The following CTNNA3 variants were observed in gnomAD, a reference collection of about 807,000 sequenced individuals.
CTNNA3 encodes the protein catenin alpha 3.
CTNNA3 carries 76 observed loss-of-function variants against 95.7 expected under a neutral mutation model. The ratio of observed to expected loss-of-function variants is 0.79; its 90% CI spans 0.66 to 0.96. The LOEUF is 0.96. CTNNA3 is among the 40% of genes least tolerant of loss of function. The pLI is 0.00. For missense variants in CTNNA3, 1,191 were observed against 1,089.8 expected, an observed-to-expected ratio of 1.09 and a Z score of -1.31; for synonymous variants, 431 against 374.4, an observed-to-expected ratio of 1.15 and a Z score of -1.74.
intron 13 of CTNNA3, among the ~76,000 whole-genome samples, chr10:66,177,196 T>C (rs2085759160): frequency 1.3e-5 from 2 of 152,076 alleles, no homozygotes; most frequent in South Asian, 4.1e-4. Context: ...GACCTCTTTA[T>C]TTTCACTGAA....
chr10:67,424,023 T>C (rs752298901), intron 5 of CTNNA3, among the ~76,000 whole-genome samples: 1 of 152,114 alleles, frequency 6.6e-6, no homozygotes, highest in Non-Finnish European at 1.5e-5. Context: ...GGAAAAAGAA[T>C]CAATAAATAC....
chr10:66,235,803 C>A (rs930272520), intron 13 of CTNNA3, among the ~76,000 whole-genome samples: 1 of 151,870 alleles, frequency 6.6e-6, no homozygotes. Flanking sequence ...CCAGATTTAG[C>A]AAGATTTCAG....
At chr10:66,420,082 T>A (rs2093178943) in intron 11 of CTNNA3, among the ~76,000 whole-genome samples, 1 of 151,800 alleles carries the variant, frequency 6.6e-6, no homozygotes, top group African/African-American at 2.4e-5. Flanking sequence ...AAGGAAACAA[T>A]CAAAAGAGTA....
intron 11 of CTNNA3, among the ~76,000 whole-genome samples, chr10:66,494,427 G>A (rs1457746092): frequency 6.6e-6 from 1 of 152,134 alleles, no homozygotes; most frequent in East Asian, 1.9e-4. Flanking sequence ...AGAAAACATA[G>A]TAAAATTTCC....
At chr10:66,911,017 A>G (rs1846199300) in intron 7 of CTNNA3, among the ~76,000 whole-genome samples, 1 of 152,234 alleles carries the variant, frequency 6.6e-6, no homozygotes, top group African/African-American at 2.4e-5. Flanking sequence ...GAAGGAAGCA[A>G]TAATTCTTTT....
chr10:67,399,303 C>A (rs1844831217), intron 5 of CTNNA3, among the ~76,000 whole-genome samples: 1 of 152,080 alleles, frequency 6.6e-6, no homozygotes, highest in African/African-American at 2.4e-5. Flanking sequence ...ACAAGTACCA[C>A]CTTTGCTCAA....
chr10:66,237,175 C>T (rs2089896383), intron 13 of CTNNA3, among the ~76,000 whole-genome samples: 1 of 152,120 alleles, frequency 6.6e-6, no homozygotes, highest in African/African-American at 2.4e-5. Context: ...AAATCTATAT[C>T]CACAATTATA....
chr10:66,545,898 C>A (rs1657584863), intron 10 of CTNNA3, among the ~76,000 whole-genome samples: 1 of 150,858 alleles, frequency 6.6e-6, no homozygotes, highest in African/African-American at 2.4e-5. Context: ...ATATCTATAT[C>A]TACAAACATA....
intron 7 of CTNNA3, among the ~76,000 whole-genome samples, chr10:66,897,679 T>G (rs1328342015): frequency 6.6e-6 from 1 of 152,168 alleles, no homozygotes; most frequent in African/African-American, 2.4e-5. Flanking sequence ...TACTATTAAA[T>G]TGTTGCATAT....
intron 7 of CTNNA3, among the ~76,000 whole-genome samples, chr10:66,979,703 T>C (rs1850297567): frequency 6.6e-6 from 1 of 152,160 alleles, no homozygotes; most frequent in African/African-American, 2.4e-5. Context: ...CAGAGTACTG[T>C]TGTGCACACA....
At chr10:66,838,357 CAAT>C (rs1842947641) in intron 7 of CTNNA3, among the ~76,000 whole-genome samples, 2 of 152,068 alleles carry the variant, frequency 1.3e-5, no homozygotes, top group African/African-American at 2.4e-5. Flanking sequence ...GAACCTACAA[CAAT>C]AATAAATGTT....
chr10:67,500,001 C>T (rs1589362955), intron 5 of CTNNA3, among the ~76,000 whole-genome samples: 1 of 152,086 alleles, frequency 6.6e-6, no homozygotes, highest in Non-Finnish European at 1.5e-5. Flanking sequence ...TCTTGCTTCT[C>T]TAGTTCTTTT....
rs1429350148 is a variant in CTNNA3, at chr10:67,566,059, A to G, written c.293-26390T>C. ...TGTGTGTGTGTATATATATATATAT[A>G]TATATATATATATACAAAACCTAGG... On this transcript the variant is annotated intron_variant, in intron 3 of 17. Coordinates refer to ENST00000433211, the MANE Select transcript of CTNNA3 (RefSeq NM_013266.4). Among the ~76,000 whole-genome samples, 5 of 91,292 alleles carry G rather than the reference A, an allele frequency of 5.5e-5. 1 individual carries two copies. Among genetic ancestry groups the G allele is most frequent in the Admixed American group, 5.1e-4 (4 of 7,802 alleles). 59.9% of individuals were successfully genotyped at this position (91,292 alleles called of 152,430 possible).
At chr10:66,216,061 C>T (rs191789927) in intron 13 of CTNNA3, among the ~76,000 whole-genome samples, 105 of 152,316 alleles carry the variant, frequency 6.9e-4, no homozygotes, top group Non-Finnish European at 1.0e-3. Context: ...GCTAATCTGC[C>T]GTGTTGACTC....
chr10:65,995,275 G>A (rs2078632822), intron 15 of CTNNA3, among the ~76,000 whole-genome samples: 1 of 152,072 alleles, frequency 6.6e-6, no homozygotes, highest in South Asian at 2.1e-4. Context: ...TATGGTGTAA[G>A]TCACTTCTTT....
Position 66,394,550 on chromosome 10 carries a change from TAAAAA to T in CTNNA3, c.1532-15203_1532-15199del, listed in dbSNP as rs71035137. On this transcript the variant is annotated intron_variant, in intron 11 of 17. Coordinates refer to ENST00000433211, the MANE Select transcript of CTNNA3 (RefSeq NM_013266.4). The stretch of plus-strand genomic sequence containing the variant: ...AACATCTAATAACAAAGCACTGGGT[TAAAAA>T]AAAAAAAAAAAAAAAAGAAGAAGAA... Among the ~76,000 whole-genome samples the T allele has an allele frequency of 2.9e-3, 368 of 128,128 alleles. 8 individuals are homozygous for T. The highest frequency in any genetic ancestry group is 5.6e-3 in the East Asian group (26 of 4,610). 84.1% of individuals were successfully genotyped at this position (128,128 alleles called of 152,430 possible).
intron 7 of CTNNA3, among the ~76,000 whole-genome samples, chr10:67,041,045 C>T (rs779719429): frequency 6.6e-6 from 1 of 151,928 alleles, no homozygotes; most frequent in African/African-American, 2.4e-5. Flanking sequence ...TTTACACACA[C>T]AAAGAAAACA....
At chr10:66,163,053 C>T (rs553336977) in intron 13 of CTNNA3, among the ~76,000 whole-genome samples, 1 of 152,202 alleles carries the variant, frequency 6.6e-6, no homozygotes, top group East Asian at 1.9e-4. Context: ...GGTCTCACTC[C>T]CATGGTACCC....
At chr10:66,074,683 C>T (rs1422623470) in intron 14 of CTNNA3, among the ~76,000 whole-genome samples, 1 of 151,768 alleles carries the variant, frequency 6.6e-6, no homozygotes, top group East Asian at 1.9e-4. Context: ...TCAGTTCTTC[C>T]CCCTAGATGT....
Sources: allele counts gnomAD v4.1 joint callset (sites outside exome capture counted in the v4.1 genomes callset), GRCh38; gene constraint gnomAD v4.1.1; transcripts MANE v1.5; gene names NCBI Gene and HGNC (gene_info 2026-07-23, HGNC 2026-07-21).